Variants in NPHS1 observed in about 807,000 individuals in gnomAD.
The protein encoded by NPHS1 is NPHS1 adhesion molecule, nephrin.
NPHS1 carries 107 observed loss-of-function variants against 139.7 expected under a neutral mutation model. The observed-to-expected ratio is 0.77, with a 90% CI of 0.66 to 0.90. The LOEUF is 0.90. NPHS1 is among the 40% of genes least tolerant of loss of function. The pLI is 0.00. For missense variants in NPHS1, 1,580 were observed against 1,654.2 expected (o/e 0.96, Z 0.78); for synonymous variants, 707 against 706.6 (o/e 1.00, Z -0.01).
At position 35,831,296 on chromosome 19, in the gene NPHS1, C is replaced by T. The variant is rs780661566; in HGVS notation, c.3387G>A (p.Thr1129=). ...WTGERDTQSS[T]VSTTEAEPYY... is the part of the protein sequence containing the mutation. ...GGTCACCAGGGCCACCCCCACTTAC[C>T]GTGGAGCTCTGAGTGTCCCGCTCTC... is the stretch of plus-strand genomic sequence containing the variant. Residue 1129 remains threonine (T), a splice_region_variant and synonymous_variant, in exon 26 of 29, where the codon ACG becomes ACA. Coordinates refer to ENST00000378910, the MANE Select transcript of NPHS1 (RefSeq NM_004646.4). The T allele has an allele frequency of 6.2e-6, 10 of 1,613,876 alleles. No individual in the cohort carries two copies. In the East Asian group the frequency reaches 1.1e-4, roughly 18 times the overall value.
intron 28 of NPHS1, among the ~76,000 whole-genome samples, 180 bp from the exon 29 acceptor site, chr19:35,826,825 G>GTGCTT (rs1555758193): frequency 6.6e-6 from 1 of 152,196 alleles, no homozygotes; most frequent in Non-Finnish European, 1.5e-5. Context: ...TGAACCCCAT[G>GTGCTT]TGCTTATCAC....
At position 35,850,434 on chromosome 19, in the gene NPHS1, T is replaced by C; in HGVS notation, c.538A>G (p.Ile180Val). The C allele has an allele frequency of 6.2e-7, 1 of 1,614,076 alleles. No homozygotes were observed. Residue 180 changes from isoleucine to valine, a missense_variant, in exon 5 of 29, where the codon ATA (isoleucine) becomes GTA (valine). Coordinates refer to ENST00000378910, the MANE Select transcript of NPHS1 (RefSeq NM_004646.4). The part of the protein sequence containing the change: ...DITILLSGQT[I>V]SDISANVNEG... Reference sequence around the variant, plus strand: ...TTCACGTTTGCAGAGATGTCAGATATTGTCTGTCCACCTTGGGGCAGCAAG... The same window carrying C: ...TTCACGTTTGCAGAGATGTCAGATACTGTCTGTCCACCTTGGGGCAGCAAG...
intron 11 of NPHS1, among the ~76,000 whole-genome samples, chr19:35,847,055 T>C (rs1271310037): frequency 6.6e-6 from 1 of 150,748 alleles, no homozygotes; most frequent in African/African-American, 2.5e-5. Context: ...TTTTCTTTTC[T>C]TTTTTTTTGA....
chr19:35,826,317 C>T lies in NPHS1; in HGVS notation c.*197G>A, dbSNP rs1972799976. 3.2e-6 allele frequency: 2 copies of T among 618,744 alleles called. No individual in the cohort carries two copies. Among genetic ancestry groups the T allele is most frequent in the Admixed American group, 5.7e-5 (2 of 35,274 alleles). 38.3% of individuals were successfully genotyped at this position (618,744 alleles called of 1,614,324 possible). A position where few individuals can be genotyped will look rare whatever the true frequency, so the allele number is the denominator to read the frequency against. ...GGAGAAGTTTAGTTTCTAAAGCCAA[C>T]CCCAGGATGCACCTTGTTTCTACTC... is the stretch of plus-strand genomic sequence containing the variant. On this transcript the variant is annotated 3_prime_UTR_variant, in exon 29 of 29. Transcript: ENST00000378910.
At position 35,826,438 on chromosome 19, in the gene NPHS1, C is replaced by T. The variant is rs1568447769; in HGVS notation, c.*76G>A. The stretch of plus-strand genomic sequence containing the variant: ...TTTTATGGAGCTCACCTAACCAGCT[C>T]GGCCCAGGCTGTAATGAGAGAGACC... On this transcript the variant is annotated 3_prime_UTR_variant, in exon 29 of 29. Transcript: ENST00000378910. The T allele has an allele frequency of 5.1e-6, 8 of 1,579,950 alleles. No individual in the cohort carries two copies. The highest frequency in any genetic ancestry group is 2.2e-5 in the South Asian group (2 of 90,276).
intron 22 of NPHS1, 88 bp from the exon 23 acceptor site, chr19:35,835,849 GA>G (rs1972950396): frequency 8.5e-7 from 1 of 1,172,064 alleles, no homozygotes; most frequent in Non-Finnish European, 1.3e-6. Context: ...AAGCCTATTA[GA>G]TTCATGGGAA....
At position 35,851,018 on chromosome 19, in the gene NPHS1, C is replaced by T. The variant is rs375631013; in HGVS notation, c.469G>A (p.Val157Met). Residue 157 changes from valine to methionine, a missense_variant, in exon 4 of 29, where the codon GTG becomes ATG. By Grantham distance (21) the Val-to-Met change is conservative. Coordinates refer to ENST00000378910, the MANE Select transcript of NPHS1 (RefSeq NM_004646.4). ...MVTWVAGQEY[V>M]VNCVSGDAKP... ...GCGTCCCCAGACACACAGTTGACCA[C>T]GTACTCCTGCCCAGCTACCCAGGTG... 29 of 1,614,096 alleles carry T rather than the reference C, an allele frequency of 1.8e-5. 1 individual carries two copies. The highest frequency in any genetic ancestry group is 2.2e-5 in the East Asian group (1 of 44,898).
At chr19:35,841,020 T>C (rs1458175244) in intron 20 of NPHS1, among the ~76,000 whole-genome samples, 1 of 151,878 alleles carries the variant, frequency 6.6e-6, no homozygotes, top group East Asian at 1.9e-4. Context: ...AAGAATTCTG[T>C]TTCCTCTGGG....
chr19:35,850,072 C>A (rs1453573317), intron 5 of NPHS1, among the ~76,000 whole-genome samples: 1 of 152,166 alleles, frequency 6.6e-6, no homozygotes, highest in Non-Finnish European at 1.5e-5. Context: ...TGCGCCACCA[C>A]ACCCGGCTAA....
Position 35,845,122 on chromosome 19 carries a change from T to C in NPHS1, c.1930+246A>G, listed in dbSNP as rs1465609102. On this transcript the variant is annotated intron_variant, in intron 14 of 28. Coordinates refer to ENST00000378910, the MANE Select transcript of NPHS1 (RefSeq NM_004646.4). This position sits in a 1 kb window ranked among gnomAD's most constrained non-coding sequence, Gnocchi z 5.5. ...GTTGCTACAAAAAGTAAAAATAAAC[T>C]AGCGAAGCGTGGTAGCGCACACCTG... is the stretch of plus-strand genomic sequence containing the variant. Among the ~76,000 whole-genome samples, 2 of 151,998 alleles carry C rather than the reference T, an allele frequency of 1.3e-5. No homozygotes were observed. Among genetic ancestry groups the C allele is most frequent in the African/African-American group, 4.8e-5 (2 of 41,370 alleles).
Position 35,843,549 on chromosome 19 carries a change from C to G in NPHS1, c.2257G>C (p.Val753Leu), listed in dbSNP as rs753894951. 1 of 1,614,116 alleles carries G rather than the reference C, an allele frequency of 6.2e-7. No individual in the cohort carries two copies. The highest frequency in any genetic ancestry group is 8.5e-7 in the Non-Finnish European group (1 of 1,180,002). ...RALQDPTEVN[V>L]GGSVDIVCTV... Reference sequence around the variant, plus strand: ...CAGACTATGTCCACAGAACCCCCGACGTTCACCTCAGTGGGGTCCTGGAGG... The same window carrying G: ...CAGACTATGTCCACAGAACCCCCGAGGTTCACCTCAGTGGGGTCCTGGAGG... Residue 753 changes from valine (V) to leucine (L), a missense_variant, in exon 17 of 29, where the codon GTC (valine) becomes CTC (leucine). By Grantham distance (32) the Val-to-Leu change is conservative. Coordinates refer to ENST00000378910, the MANE Select transcript of NPHS1 (RefSeq NM_004646.4).
chr19:35,837,586 T>TC (rs1568451442), intron 22 of NPHS1, among the ~76,000 whole-genome samples: 4 of 143,068 alleles, frequency 2.8e-5, no homozygotes, highest in African/African-American at 1.2e-4. Flanking sequence ...AGCTTCTTTC[T>TC]TTCTCTCTCT....
In NPHS1 at chr19:35,849,574, C is replaced by A; in HGVS notation, c.688G>T (p.Ala230Ser). 6.2e-7 allele frequency: 1 copy of A among 1,614,030 alleles called. No individual in the cohort carries two copies. Among genetic ancestry groups the A allele is most frequent in the Non-Finnish European group, 8.5e-7 (1 of 1,179,926 alleles). Reference sequence around the variant, plus strand: ...CACAGAACATTCACGGTGAATGAGGCCTTGATGGGGGCCTCCAGTGCTGGG... The same window carrying A: ...CACAGAACATTCACGGTGAATGAGGACTTGATGGGGGCCTCCAGTGCTGGG... ...SSPALEAPIK[A>S]SFTVNVLFPP... Residue 230 changes from alanine to serine, a missense_variant, in exon 6 of 29, where the codon GCC becomes TCC. Coordinates refer to ENST00000378910, the MANE Select transcript of NPHS1 (RefSeq NM_004646.4).
At position 35,845,562 on chromosome 19, in the gene NPHS1, A is replaced by G; in HGVS notation, c.1758-22T>C. 1 of 1,597,160 alleles carries G rather than the reference A, an allele frequency of 6.3e-7. No individual in the cohort carries two copies. Among genetic ancestry groups the G allele is most frequent in the Middle Eastern group, 1.7e-4 (1 of 5,950 alleles). On this transcript the variant is annotated intron_variant, in intron 13 of 28. Transcript: ENST00000378910. The surrounding 1 kb of genome is among the most constrained non-coding windows in gnomAD (Gnocchi z 5.5). ...CAGCCTGTGGAACCGGGGTCAAGCC[A>G]GGGCTGCGAGCGGAGCCAGAGGCTG... is the stretch of plus-strand genomic sequence containing the variant.
In NPHS1 at chr19:35,851,293, G is replaced by C. The variant is rs770394555; in HGVS notation, c.366C>G (p.Leu122=). Residue 122 remains leucine, a synonymous_variant, in exon 3 of 29, where the codon CTC becomes CTG. Transcript: ENST00000378910. Reference sequence around the variant, plus strand: ...TGGAGAGGATCACTCTGGGAGACACGAGCTCGGGCCCCATCTCAGAGCGGC... The same window carrying C: ...TGGAGAGGATCACTCTGGGAGACACCAGCTCGGGCCCCATCTCAGAGCGGC... ...QVGRSEMGPE[L]VSPRVILSIL... 1.2e-6 allele frequency: 2 copies of C among 1,614,010 alleles called. No individual in the cohort carries two copies. The highest frequency in any genetic ancestry group is 1.7e-5 in the Admixed American group (1 of 60,002).
At chr19:35,832,758 G>C (rs896890067) in intron 23 of NPHS1, among the ~76,000 whole-genome samples, 4 of 150,416 alleles carry the variant, frequency 2.7e-5, no homozygotes, top group Non-Finnish European at 4.4e-5. Context: ...GTGGTGGCAG[G>C]CACCTGTAGT....
intron 22 of NPHS1, 85 bp from the exon 23 acceptor site, chr19:35,835,846 T>C: frequency 4.8e-6 from 6 of 1,237,402 alleles, no homozygotes; most frequent in Non-Finnish European, 7.1e-6. Context: ...CTTAAGCCTA[T>C]TAGATTCATG....
Position 35,851,095 on chromosome 19 carries a change from G to A in NPHS1, c.398-6C>T, listed in dbSNP as rs774272363. On this transcript the variant is annotated splice_polypyrimidine_tract_variant and splice_region_variant and intron_variant, in intron 3 of 28. Coordinates refer to ENST00000378910, the MANE Select transcript of NPHS1 (RefSeq NM_004646.4). The stretch of plus-strand genomic sequence containing the variant: ...CAGGAGCAGCTTGGGAGGAACTGGT[G>A]AGAGAAGGGTCTGGGGTAAGCTTCC... 2.0e-5 allele frequency: 32 copies of A among 1,614,066 alleles called. No homozygotes were observed. Among genetic ancestry groups the A allele is most frequent in the Admixed American group, 3.3e-5 (2 of 60,008 alleles).
Position 35,845,460 on chromosome 19 carries a change from G to T in NPHS1, c.1838C>A (p.Ser613Ter). The change falls in exon 14 of 29, where the codon TCA becomes TAA. Residue 613 changes from serine to a stop codon, truncating the protein, a stop_gained. Coordinates refer to ENST00000378910, the MANE Select transcript of NPHS1 (RefSeq NM_004646.4). LOFTEE classifies it high-confidence loss of function. This position sits in a 1 kb window ranked among gnomAD's most constrained non-coding sequence, Gnocchi z 5.5. ...AAARSVLLQVSSRDHGQRVTC... is the reference protein window; with the variant it reads ...AAARSVLLQV The stretch of plus-strand genomic sequence containing the variant: ...CACGCGCTGGCCATGATCGCGGGAT[G>T]ACACTTGCAGAAGGACGCTCCTGGC... The T allele has an allele frequency of 1.9e-6, 3 of 1,614,166 alleles. No homozygotes were observed. Among genetic ancestry groups the T allele is most frequent in the Non-Finnish European group, 2.5e-6 (3 of 1,180,026 alleles).
Sources: gnomAD v4.1 joint callset for allele counts (sites outside exome capture counted in the v4.1 genomes callset) on GRCh38, gnomAD v4.1.1 for gene constraint, Gnocchi (gnomAD v3.1) non-coding constraint, MANE v1.5 for transcripts, NCBI Gene and HGNC (gene_info 2026-07-23, HGNC 2026-07-21) for gene names.